DOC2A: variants seen among roughly 807,000 people sequenced by gnomAD.
DOC2A encodes double C2-like domain-containing protein alpha.
In DOC2A, 28 loss-of-function variants were observed where a neutral mutation model predicts 40.6. That is an observed-to-expected ratio of 0.69 (90% confidence interval 0.51 to 0.95). The LOEUF is 0.95. Among genes scored for constraint, DOC2A ranks in the 40% least tolerant of loss-of-function variants. The probability of loss-of-function intolerance (pLI) is 0.00; values close to 1 mark genes in which losing one functional copy is unlikely to be tolerated. For missense variants in DOC2A, 474 were observed against 552.5 expected (o/e 0.86, Z 1.42); for synonymous variants, 241 against 236.9 (o/e 1.02, Z -0.16).
At chr16:30,011,138 G>T (rs1396884302), upstream of DOC2A, 2 of 718,474 alleles carry the variant, frequency 2.8e-6, no homozygotes, top group East Asian at 1.3e-4. Context: ...CTCCCACCCG[G>T]GGCCCGCTCG....
At position 30,009,363 on chromosome 16, in the gene DOC2A, A is replaced by G; in HGVS notation, c.343-87T>C. The G allele has an allele frequency of 6.7e-7, 1 of 1,492,822 alleles. No individual in the cohort carries two copies. Among genetic ancestry groups the G allele is most frequent in the Non-Finnish European group, 9.1e-7 (1 of 1,094,994 alleles). The allele number at this position is 1,492,822 out of a possible 1,614,324, so 92.5% of individuals were successfully genotyped here. A position where few individuals can be genotyped will look rare whatever the true frequency, so the allele number is the denominator to read the frequency against. On this transcript the variant is annotated intron_variant, in intron 3 of 10. Coordinates refer to ENST00000350119, the MANE Select transcript of DOC2A (RefSeq NM_003586.3). The surrounding 1 kb of genome is among the most constrained non-coding windows in gnomAD (Gnocchi z 4.1). ...AGAGCTGGACCCTGGAGGAGCCCAG[A>G]AGGAGGGGGCAAGGGCAGGACGAAG... is the stretch of plus-strand genomic sequence containing the variant.
In DOC2A at chr16:30,006,298, T is replaced by C; in HGVS notation, c.1091A>G (p.Glu364Gly). The C allele has an allele frequency of 6.2e-7, 1 of 1,610,914 alleles. No individual in the cohort carries two copies. The highest frequency in any genetic ancestry group is 1.1e-5 in the South Asian group (1 of 90,918). The change falls in exon 11 of 11, where the codon GAG (glutamate) becomes GGG (glycine). Residue 364 changes from glutamate to glycine, a missense_variant. Transcript: ENST00000350119. The surrounding 1 kb of genome is among the most constrained non-coding windows in gnomAD (Gnocchi z 6.2). ...GCAGTCACTCCAGTGCTTCCGAGCC[T>C]CGCCTCGGGCACCTGGCCCCAGGGA... ...GVSLGPGARGEARKHWSDCLQ... is the reference protein window; with the variant it reads ...GVSLGPGARGGARKHWSDCLQ...
chr16:30,005,840 C>A lies in DOC2A; in HGVS notation c.*346G>T. Reference sequence around the variant, plus strand: ...GAGACATTCTCCTCCTCTGAACCTCCCCTAATCCGACCTCCTCCCTGTTGG... The same window carrying A: ...GAGACATTCTCCTCCTCTGAACCTCACCTAATCCGACCTCCTCCCTGTTGG... On this transcript the variant is annotated 3_prime_UTR_variant, in exon 11 of 11. Coordinates refer to ENST00000350119, the MANE Select transcript of DOC2A (RefSeq NM_003586.3). 4.2e-6 allele frequency: 2 copies of A among 475,306 alleles called. No homozygotes were observed. Among genetic ancestry groups the A allele is most frequent in the Non-Finnish European group, 7.5e-6 (2 of 266,760 alleles). The allele number at this position is 475,306 out of a possible 1,614,324, so 29.4% of individuals were successfully genotyped here. A position where few individuals can be genotyped will look rare whatever the true frequency, so the allele number is the denominator to read the frequency against.
intron 5 of DOC2A, 181 bp downstream of exon 5, chr16:30,008,815 T>G (rs1251568769): frequency 1.3e-5 from 8 of 598,912 alleles, no homozygotes; most frequent in East Asian, 2.9e-5. Flanking sequence ...AGGCAGGAGA[T>G]ATTGAGGGGC....
chr16:30,006,880 G>A lies in DOC2A; in HGVS notation c.783C>T (p.Tyr261=). The change falls in exon 8 of 11, where the codon TAC becomes TAT. Residue 261 remains tyrosine (Y), a synonymous_variant. Transcript: ENST00000350119. This position sits in a 1 kb window ranked among gnomAD's most constrained non-coding sequence, Gnocchi z 6.2. ...CCAGCAGTCCCCGGCGCCGCGAGCT[G>A]TAGCTGAGACTCAGCAGGATGCGGC... ...ERGRILLSLS[Y]SSRRRGLLVG... is the part of the protein sequence containing the mutation. 1.2e-6 allele frequency: 2 copies of A among 1,613,494 alleles called. No individual in the cohort carries two copies. Among genetic ancestry groups the A allele is most frequent in the East Asian group, 2.2e-5 (1 of 44,854 alleles).
chr16:30,011,473 G>T (rs1187497775), upstream of DOC2A: 2 of 950,756 alleles, frequency 2.1e-6, no homozygotes, highest in Non-Finnish European at 1.2e-6. Context: ...CGGCCACGGC[G>T]CCTCCCTCCC....
At position 30,009,238 on chromosome 16, in the gene DOC2A, G is replaced by T; in HGVS notation, c.381C>A (p.Pro127=). ...CAGGCAGCAAGTGCAGCTTGACGTA[G>T]GGGTCGGCGAGGCCATTGAAATCCA... ...KPMDFNGLAD[P]YVKLHLLPGA... Residue 127 remains proline, a synonymous_variant, in exon 4 of 11, where the codon CCC becomes CCA. Coordinates refer to ENST00000350119, the MANE Select transcript of DOC2A (RefSeq NM_003586.3). The surrounding 1 kb of genome is among the most constrained non-coding windows in gnomAD (Gnocchi z 4.1). The T allele has an allele frequency of 6.4e-7, 1 of 1,574,108 alleles. No individual in the cohort carries two copies. Among genetic ancestry groups the T allele is most frequent in the East Asian group, 2.3e-5 (1 of 43,008 alleles).
chr16:30,006,784 C>A lies in DOC2A; in HGVS notation c.878+1G>T. On this transcript the variant is annotated splice_donor_variant, in intron 8 of 10. Coordinates refer to ENST00000350119, the MANE Select transcript of DOC2A (RefSeq NM_003586.3). LOFTEE classifies it high-confidence loss of function. This position sits in a 1 kb window ranked among gnomAD's most constrained non-coding sequence, Gnocchi z 6.2. ...AGGAGAGGGTCAGAGCAAGGGCTCA[C>A]GTCTTGACGTAGGGGTCCGAGTAAC... The A allele has an allele frequency of 1.2e-6, 2 of 1,613,766 alleles. No individual in the cohort carries two copies. The highest frequency in any genetic ancestry group is 1.7e-6 in the Non-Finnish European group (2 of 1,179,976).
In DOC2A at chr16:30,009,247, G is replaced by A. The variant is rs773739403; in HGVS notation, c.372C>T (p.Leu124=). The A allele has an allele frequency of 1.1e-5, 18 of 1,567,524 alleles. No individual in the cohort carries two copies. Among genetic ancestry groups the A allele is most frequent in the East Asian group, 9.4e-5 (4 of 42,434 alleles). ...AGTGCAGCTTGACGTAGGGGTCGGC[G>A]AGGCCATTGAAATCCATGGGCTTGA... ...KGLKPMDFNG[L]ADPYVKLHLL... The change falls in exon 4 of 11, where the codon CTC becomes CTT. Residue 124 remains leucine (L), a synonymous_variant. Coordinates refer to ENST00000350119, the MANE Select transcript of DOC2A (RefSeq NM_003586.3). This position sits in a 1 kb window ranked among gnomAD's most constrained non-coding sequence, Gnocchi z 4.1.
At position 30,006,832 on chromosome 16, in the gene DOC2A, A is replaced by G. The variant is rs779991117; in HGVS notation, c.831T>C (p.His277=). The G allele has an allele frequency of 4.3e-6, 7 of 1,613,730 alleles. No individual in the cohort carries two copies. Among genetic ancestry groups the G allele is most frequent in the Non-Finnish European group, 5.9e-6 (7 of 1,179,878 alleles). The change falls in exon 8 of 11, where the codon CAT becomes CAC. Residue 277 remains histidine (H), a synonymous_variant. Coordinates refer to ENST00000350119, the MANE Select transcript of DOC2A (RefSeq NM_003586.3). The surrounding 1 kb of genome is among the most constrained non-coding windows in gnomAD (Gnocchi z 6.2). ...AACCGTTGACGTCCATGGCAGCCAG[A>G]TGGGCGCAGCGCAAGATGCCTACCA... ...GLLVGILRCA[H]LAAMDVNGYS...
chr16:30,011,294 C>G (rs1167869242), upstream of DOC2A: 2 of 980,324 alleles, frequency 2.0e-6, no homozygotes, highest in South Asian at 4.7e-5. Flanking sequence ...ACGCTCACAC[C>G]CTTGCACACA....
At position 30,009,405 on chromosome 16, in the gene DOC2A, G is replaced by T. The variant is rs2070712094; in HGVS notation, c.342+73C>A. The T allele has an allele frequency of 9.3e-6, 14 of 1,511,438 alleles. No homozygotes were observed. In the South Asian group the frequency reaches 1.6e-4, roughly 17 times the overall value. The allele number at this position is 1,511,438 out of a possible 1,614,324, so 93.6% of individuals were successfully genotyped here. The stretch of plus-strand genomic sequence containing the variant: ...AGGACGAAGGAGCAGGCCTGGGAAG[G>T]GAAGGAGGAATGGGCCCCCTCTGGG... On this transcript the variant is annotated intron_variant, in intron 3 of 10. Coordinates refer to ENST00000350119, the MANE Select transcript of DOC2A (RefSeq NM_003586.3). This position sits in a 1 kb window ranked among gnomAD's most constrained non-coding sequence, Gnocchi z 4.1.
rs779177422 is a variant in DOC2A at position 30,010,962 on chromosome 16, C to T, written c.-73G>A. 1 of 1,010,828 alleles carries T rather than the reference C, an allele frequency of 9.9e-7. No individual in the cohort carries two copies. Among genetic ancestry groups the T allele is most frequent in the Non-Finnish European group, 1.2e-6 (1 of 845,436 alleles). The allele number at this position is 1,010,828 out of a possible 1,614,324, so 62.6% of individuals were successfully genotyped here. ...ACGGCGGGCGCAGGCTGGGCGGCGG[C>T]GGCCGGCGAGGAGAGCGCGGAGTCG... On this transcript the variant is annotated 5_prime_UTR_variant, in exon 1 of 11. Coordinates refer to ENST00000350119, the MANE Select transcript of DOC2A (RefSeq NM_003586.3). This position sits in a 1 kb window ranked among gnomAD's most constrained non-coding sequence, Gnocchi z 4.2.
At chr16:30,019,969 C>A (rs552666449) in intron 1 of DOC2A, among the ~76,000 whole-genome samples, 1 of 151,832 alleles carries the variant, frequency 6.6e-6, no homozygotes. Flanking sequence ...AGTGCAGTGG[C>A]GCAATTTAGG....
chr16:30,005,675 A>T lies in DOC2A; in HGVS notation c.*511T>A. On this transcript the variant is annotated 3_prime_UTR_variant, in exon 11 of 11. Transcript: ENST00000350119. ...ACAGTTATTTAAACGAGTGGCCGGG[A>T]GCATCTGCCACCTGCTGGGGAGGCA... The T allele has an allele frequency of 1.8e-6, 1 of 556,736 alleles. No individual in the cohort carries two copies. Among genetic ancestry groups the T allele is most frequent in the Non-Finnish European group, 3.1e-6 (1 of 319,612 alleles). The allele number at this position is 556,736 out of a possible 1,614,324, so 34.5% of individuals were successfully genotyped here. A position where few individuals can be genotyped will look rare whatever the true frequency, so the allele number is the denominator to read the frequency against.
rs1414324537 is a variant in DOC2A, at chr16:30,010,670, C to G, written c.-14+233G>C. 2.0e-5 allele frequency among the ~76,000 whole-genome samples: 3 copies of G among 152,158 alleles called. No homozygotes were observed. The highest frequency in any genetic ancestry group is 6.5e-5 in the Admixed American group (1 of 15,282). ...TCAGGGTGTCACCCACCCCTCTAGG[C>G]TCCAACTGCCCACTGTCCCCTCATT... is the stretch of plus-strand genomic sequence containing the variant. On this transcript the variant is annotated intron_variant, in intron 1 of 10. Transcript: ENST00000350119. This position sits in a 1 kb window ranked among gnomAD's most constrained non-coding sequence, Gnocchi z 4.2.
At chr16:30,018,780 T>G (rs889529656) in intron 1 of DOC2A, 1 of 152,128 alleles carries the variant, frequency 6.6e-6, no homozygotes, top group African/African-American at 2.4e-5. Context: ...CGAGTATGGA[T>G]GAGATCACCT....
upstream of DOC2A, among the ~76,000 whole-genome samples, chr16:30,013,758 A>G (rs545340483): frequency 1.3e-5 from 2 of 148,784 alleles, no homozygotes; most frequent in Admixed American, 6.8e-5. Flanking sequence ...CTTGTTGCCC[A>G]GGCTGGAGTG....
intron 6 of DOC2A, 37 bp downstream of exon 6, chr16:30,007,136 C>T (rs371218364): frequency 1.1e-5 from 17 of 1,613,560 alleles, no homozygotes; most frequent in Non-Finnish European, 1.4e-5. Flanking sequence ...CTCCCCAGGG[C>T]CCCCTCCCCT....
Sources: gnomAD v4.1 joint callset for allele counts (sites outside exome capture counted in the v4.1 genomes callset) on GRCh38, gnomAD v4.1.1 for gene constraint, Gnocchi (gnomAD v3.1) non-coding constraint, MANE v1.5 for transcripts, NCBI Gene and HGNC (gene_info 2026-07-23, HGNC 2026-07-21) for gene names.